The following RTL1 variants were observed in gnomAD, a reference collection of about 807,000 sequenced individuals.
The protein encoded by RTL1 is retrotransposon Gag like 1, also known as retrotransposon-like protein 1.
For missense variants in RTL1, 1,681 were observed against 1,767.5 expected (o/e 0.95, Z 0.88); for synonymous variants, 727 against 748.4 (o/e 0.97, Z 0.47).
At chr14:100,896,154 A>G (rs2038852977) in intron 2 of RTL1, among the ~76,000 whole-genome samples, 1 of 152,182 alleles carries the variant, frequency 6.6e-6, no homozygotes, top group Non-Finnish European at 1.5e-5. Context: ...GTCCAAACTA[A>G]AATGCTGTGT....
chr14:100,881,650 G>A lies in RTL1; in HGVS notation c.3139C>T (p.Arg1047Trp), dbSNP rs779181991. The change falls in exon 4 of 4, where the codon CGG (arginine) becomes TGG (tryptophan). Residue 1047 changes from arginine to tryptophan, a missense_variant. By Grantham distance (101) the Arg-to-Trp change is moderately radical. Transcript: ENST00000649591. The surrounding 1 kb of genome is among the most constrained non-coding windows in gnomAD (Gnocchi z 6.6). ...EQDELNEQIL[R>W]QELLAMIPID... is the part of the protein sequence containing the mutation. ...GGTATCATGGCCAGCAGCTCTTGCC[G>A]TAGGATCTGTTCATTGAGCTCATCC... is the stretch of plus-strand genomic sequence containing the variant. The A allele has an allele frequency of 2.6e-6, 4 of 1,552,064 alleles. No homozygotes were observed. Among genetic ancestry groups the A allele is most frequent in the African/African-American group, 1.4e-5 (1 of 73,050 alleles).
intron 2 of RTL1, among the ~76,000 whole-genome samples, chr14:100,899,851 C>T (rs983104326): frequency 1.3e-5 from 2 of 152,220 alleles, no homozygotes; most frequent in Non-Finnish European, 2.9e-5. Flanking sequence ...CCATCTTACC[C>T]CGTCATGAAA....
At chr14:100,902,941 A>C (rs181105645) in intron 2 of RTL1, among the ~76,000 whole-genome samples, 1 of 152,216 alleles carries the variant, frequency 6.6e-6, no homozygotes, top group East Asian at 1.9e-4. Context: ...CTCCCAATAC[A>C]AACGGGAACC....
chr14:100,894,566 TC>T (rs2038829331), intron 2 of RTL1: 1 of 152,302 alleles, frequency 6.6e-6, no homozygotes, highest in Non-Finnish European at 1.5e-5. Context: ...CATTGGTGAC[TC>T]CTTTGTCCCA....
At chr14:100,903,160 C>T (rs1238416229) in intron 2 of RTL1, among the ~76,000 whole-genome samples, 131 bp downstream of exon 2, 6 of 152,124 alleles carry the variant, frequency 3.9e-5, no homozygotes, top group Admixed American at 2.0e-4. Flanking sequence ...TTTTTCCCGG[C>T]GGCTTCCTTG....
intron 3 of RTL1, among the ~76,000 whole-genome samples, chr14:100,888,197 CTT>C (rs1410302479): frequency 1.2e-4 from 18 of 152,272 alleles, no homozygotes; most frequent in Non-Finnish European, 2.9e-5. Context: ...GCCTTCAACT[CTT>C]TTGTAAAATC....
In RTL1 at chr14:100,882,236, C is replaced by T. The variant is rs1321715999; in HGVS notation, c.2553G>A (p.Glu851=). ...YQFYWGVEEQ[E]AFECLKRAFR... ...AAGCCCTCTTCAGGCACTCGAAGGCCTCTTGCTCCTCGACTCCCCAGTAGA... is the reference window on the plus strand; with the variant it reads ...AAGCCCTCTTCAGGCACTCGAAGGCTTCTTGCTCCTCGACTCCCCAGTAGA... The change falls in exon 4 of 4, where the codon GAG becomes GAA. Residue 851 remains glutamate (E), a synonymous_variant. Transcript: ENST00000649591. The T allele has an allele frequency of 1.9e-6, 3 of 1,551,236 alleles. No homozygotes were observed. Among genetic ancestry groups the T allele is most frequent in the South Asian group, 1.2e-5 (1 of 84,066 alleles).
At chr14:100,890,156 A>G (rs1361733461) in intron 3 of RTL1, among the ~76,000 whole-genome samples, 1 of 147,858 alleles carries the variant, frequency 6.8e-6, no homozygotes, top group Admixed American at 6.8e-5. Flanking sequence ...TTCGAATGGG[A>G]CCCTCTTCCC....
chr14:100,884,206 T>A lies in RTL1; in HGVS notation c.583A>T (p.Ile195Phe). 6.4e-7 allele frequency: 1 copy of A among 1,551,762 alleles called. No homozygotes were observed. The highest frequency in any genetic ancestry group is 1.2e-5 in the South Asian group (1 of 84,070). The change falls in exon 4 of 4, where the codon ATC becomes TTC. Residue 195 changes from isoleucine to phenylalanine, a missense_variant. By Grantham distance (21) the Ile-to-Phe change is conservative. Coordinates refer to ENST00000649591, the MANE Select transcript of RTL1 (RefSeq NM_001134888.3). ...RVAEEILIKG[I>F]NAGQLPAPKH... ...GGGGCGGGCAGTTGGCCTGCATTGA[T>A]CCCTTTGATCAAGATCTCTTCTGCT...
chr14:100,882,297 T>C lies in RTL1; in HGVS notation c.2492A>G (p.Glu831Gly), dbSNP rs933287675. The C allele has an allele frequency of 6.4e-7, 1 of 1,551,666 alleles. No homozygotes were observed. The highest frequency in any genetic ancestry group is 1.2e-5 in the South Asian group (1 of 84,062). Residue 831 changes from glutamate (E) to glycine (G), a missense_variant, in exon 4 of 4, where the codon GAG becomes GGG. Glu to Gly is a moderately conservative substitution (Grantham distance 98, BLOSUM62 -2). Transcript: ENST00000649591. ...GCTCAGCAGCTGCCGCACCAGGGGCTCTGCGATGATGCTGAAGCGCTCCAC... is the reference window on the plus strand; with the variant it reads ...GCTCAGCAGCTGCCGCACCAGGGGCCCTGCGATGATGCTGAAGCGCTCCAC... ...HFVERFSIIA[E>G]PLVRQLLSSY...
Position 100,883,220 on chromosome 14 carries a change from G to T in RTL1, c.1569C>A (p.Cys523Ter), listed in dbSNP as rs1453978421. The stretch of plus-strand genomic sequence containing the variant: ...TCAGGCAGTAGGGAGAGTGGAAGGT[G>T]CAGCGGCCTTTGATCCAGTCGACTT... The part of the protein sequence containing the change: ...APEVDWIKGR[C>*]TFHSPYCLKN... The change falls in exon 4 of 4, where the codon TGC (cysteine) becomes TGA (stop). Residue 523 changes from cysteine (C) to a stop codon, truncating the protein, a stop_gained. Transcript: ENST00000649591. LOFTEE classifies it low-confidence loss of function (END_TRUNC). The surrounding 1 kb of genome is among the most constrained non-coding windows in gnomAD (Gnocchi z 5.9). The T allele has an allele frequency of 6.4e-7, 1 of 1,554,082 alleles. No homozygotes were observed.
chr14:100,885,652 C>T (rs1302469824), intron 3 of RTL1, among the ~76,000 whole-genome samples: 1 of 151,912 alleles, frequency 6.6e-6, no homozygotes, highest in African/African-American at 2.4e-5. Context: ...CCTTCCAATG[C>T]TATGTTCTCC....
intron 3 of RTL1, among the ~76,000 whole-genome samples, chr14:100,889,079 C>CA (rs2038732901): frequency 6.6e-6 from 1 of 152,188 alleles, no homozygotes; most frequent in Non-Finnish European, 1.5e-5. Context: ...ATCTCATCAT[C>CA]ACATTTCTTA....
intron 2 of RTL1, chr14:100,894,593 C>T (rs2038829579): frequency 6.6e-6 from 1 of 152,368 alleles, no homozygotes; most frequent in Admixed American, 6.5e-5. Context: ...CCTCAGCACA[C>T]AGTAGGGCTG....
At position 100,898,684 on chromosome 14, in the gene RTL1, G is replaced by A. The variant is rs11622265; in HGVS notation, c.-149+4607C>T. 0.35 allele frequency among the ~76,000 whole-genome samples: 53,868 copies of A among 152,158 alleles called. 11,345 individuals carry two copies. Among genetic ancestry groups the A allele is most frequent in the East Asian group, 0.79 (4,095 of 5,154 alleles). On this transcript the variant is annotated intron_variant, in intron 2 of 3. Transcript: ENST00000649591. ...CACGGGGCTACCTGTTTCTCTCAGC[G>A]GGCTCCCTACTTCTTAGGCTTTGCG... is the stretch of plus-strand genomic sequence containing the variant.
chr14:100,881,258 A>G lies in RTL1; in HGVS notation c.3531T>C (p.Ala1177=). Residue 1177 remains alanine (A), a synonymous_variant, in exon 4 of 4, where the codon GCT becomes GCC. Transcript: ENST00000649591. This position sits in a 1 kb window ranked among gnomAD's most constrained non-coding sequence, Gnocchi z 6.6. ...GGCCTCGGTGGGCCTGGGAGTGCAG[A>G]GCATTTCGCTGCCAGCGGCCAGGGC... ...FLGPGRWQRN[A]LHSQAHRGLQ... is the part of the protein sequence containing the mutation. 1 of 1,550,014 alleles carries G rather than the reference A, an allele frequency of 6.5e-7. No individual in the cohort carries two copies. The highest frequency in any genetic ancestry group is 8.7e-7 in the Non-Finnish European group (1 of 1,146,734).
intron 2 of RTL1, among the ~76,000 whole-genome samples, chr14:100,894,037 G>A (rs907257381): frequency 4.7e-4 from 72 of 152,166 alleles, no homozygotes; most frequent in African/African-American, 1.7e-3. Context: ...CTGGCTGGGC[G>A]GGGTGGCTCA....
rs1326657633 is a variant in RTL1 at position 100,898,411 on chromosome 14, T to C, written c.-149+4880A>G. On this transcript the variant is annotated intron_variant, in intron 2 of 3. Coordinates refer to ENST00000649591, the MANE Select transcript of RTL1 (RefSeq NM_001134888.3). ...TCGACTGTTCCTTTACCCCAGCTTC[T>C]TAGAGATGGGGTGGTGGGTTAAATT... Among the ~76,000 whole-genome samples, 4 of 152,310 alleles carry C rather than the reference T, an allele frequency of 2.6e-5. No individual in the cohort carries two copies. The East Asian group carries it at 5.8e-4, about 22-fold the overall frequency.
rs1008960435 is a variant in RTL1, at chr14:100,883,518, G to A, written c.1271C>T (p.Ala424Val). The A allele has an allele frequency of 1.2e-5, 19 of 1,551,498 alleles. No individual in the cohort carries two copies. The South Asian group carries it at 1.3e-4, about 11-fold the overall frequency. Reference protein sequence around the residue: ...MVRVNPYHSVAVQALVDSGAD... With the variant: ...MVRVNPYHSVVVQALVDSGAD... The stretch of plus-strand genomic sequence containing the variant: ...TCCCGAATCCACCAGGGCCTGGACC[G>A]CGACGCTGTGGTAGGGGTTCACTCT... Residue 424 changes from alanine (A) to valine (V), a missense_variant, in exon 4 of 4, where the codon GCG becomes GTG. By Grantham distance (64) the Ala-to-Val change is moderately conservative (BLOSUM62 0). Transcript: ENST00000649591. This position sits in a 1 kb window ranked among gnomAD's most constrained non-coding sequence, Gnocchi z 5.9.
Sources: gnomAD v4.1 joint callset for allele counts (sites outside exome capture counted in the v4.1 genomes callset) on GRCh38, gnomAD v4.1.1 for gene constraint, Gnocchi (gnomAD v3.1) non-coding constraint, MANE v1.5 for transcripts, NCBI Gene and HGNC (gene_info 2026-07-23, HGNC 2026-07-21) for gene names.